Variants in RHBDD1 observed in about 807,000 individuals in gnomAD.
RHBDD1 encodes the protein rhomboid-related protein 4.
A neutral mutation model predicts 36.3 loss-of-function variants in RHBDD1; 38 were observed. That is an observed-to-expected ratio of 1.05 (90% CI 0.81 to 1.37). The LOEUF is 1.37. RHBDD1 is among the 40% of genes most tolerant of loss of function. The pLI, the probability that RHBDD1 is intolerant of heterozygous loss-of-function variation, is 0.00. For missense variants in RHBDD1, 393 were observed against 377.6 expected, an observed-to-expected ratio of 1.04 and a Z score of -0.34; for synonymous variants, 151 against 136.5, an observed-to-expected ratio of 1.11 and a Z score of -0.74.
At chr2:226,978,993 TAA>T (rs1955095590) in intron 8 of RHBDD1, among the ~76,000 whole-genome samples, 1 of 152,138 alleles carries the variant, frequency 6.6e-6, no homozygotes, top group Non-Finnish European at 1.5e-5. Flanking sequence ...TAGGTATGTA[TAA>T]AAAAGAGTTT....
the RHBDD1 span, among the ~76,000 whole-genome samples, chr2:226,812,096 T>C: frequency 6.6e-6 from 1 of 152,184 alleles, no homozygotes; most frequent in South Asian, 2.1e-4. Context: ...TTCATTTGAG[T>C]TTTGTCACTT....
At chr2:226,909,254 A>G (rs909978812) in intron 7 of RHBDD1, among the ~76,000 whole-genome samples, 1 of 152,130 alleles carries the variant, frequency 6.6e-6, no homozygotes, top group Non-Finnish European at 1.5e-5. Flanking sequence ...TCCTGTGTAT[A>G]TTCAGGAACC....
chr2:226,950,193 AG>A (rs556447244), intron 8 of RHBDD1, among the ~76,000 whole-genome samples: 72 of 152,248 alleles, frequency 4.7e-4, no homozygotes, highest in Non-Finnish European at 7.6e-4. Context: ...CCTTTGACCC[AG>A]GGTCTCCCCA....
chr2:226,863,026 A>T (rs923245654), intron 3 of RHBDD1, among the ~76,000 whole-genome samples: 1 of 152,198 alleles, frequency 6.6e-6, no homozygotes, highest in African/African-American at 2.4e-5. Flanking sequence ...ACCTCCCATT[A>T]GGCTCTACTT....
the RHBDD1 span, among the ~76,000 whole-genome samples, chr2:226,814,552 G>T: frequency 2.0e-5 from 3 of 152,232 alleles, no homozygotes; most frequent in East Asian, 5.8e-4. Context: ...AGGCTAGTTA[G>T]GAGTCTGTTT....
the RHBDD1 span, among the ~76,000 whole-genome samples, chr2:226,810,540 C>CAAAAAAAAAAAAAA: frequency 9.2e-4 from 31 of 33,878 alleles, 1 homozygote; most frequent in African/African-American, 3.1e-3. Flanking sequence ...GACTCCGTCT[C>CAAAAAAAAAAAAAA]AAAAAAAAAA....
intron 3 of RHBDD1, among the ~76,000 whole-genome samples, chr2:226,856,355 T>A (rs1943328230): frequency 6.6e-6 from 1 of 152,234 alleles, no homozygotes; most frequent in Admixed American, 6.5e-5. Flanking sequence ...TATACCATTT[T>A]CTTATTTTCA....
rs1425311504 is a variant in RHBDD1, at chr2:226,997,124, T to C, written c.*1602T>C. 6.6e-6 allele frequency: 1 copy of C among 152,204 alleles called. No homozygotes were observed. Among genetic ancestry groups the C allele is most frequent in the Non-Finnish European group, 1.5e-5 (1 of 68,034 alleles). 9.4% of individuals were successfully genotyped at this position (152,204 alleles called of 1,614,324 possible). A position where few individuals can be genotyped will look rare whatever the true frequency, so the allele number is the denominator to read the frequency against. ...ATGAGCTAAGAAAACCACTGGAGCC[T>C]TGGGAGCTCTTTGGCCTCCTGGCTG... On this transcript the variant is annotated 3_prime_UTR_variant, in exon 9 of 9. Transcript: ENST00000392062.
chr2:226,935,824 A>G (rs569330691), intron 8 of RHBDD1, among the ~76,000 whole-genome samples: 100 of 152,256 alleles, frequency 6.6e-4, no homozygotes, highest in African/African-American at 2.2e-3. Flanking sequence ...AAACAGCTAT[A>G]TAAAGCAGAT....
At chr2:226,882,828 G>C (rs1037156852) in intron 5 of RHBDD1, among the ~76,000 whole-genome samples, 1 of 152,144 alleles carries the variant, frequency 6.6e-6, no homozygotes, top group Admixed American at 6.5e-5. Context: ...CTGGAGGCTG[G>C]AAGTCTGAGA....
intron 7 of RHBDD1, among the ~76,000 whole-genome samples, chr2:226,910,037 G>A (rs192619730): frequency 6.6e-6 from 1 of 152,184 alleles, no homozygotes; most frequent in African/African-American, 2.4e-5. Context: ...AAACAAGTGG[G>A]TATAGGTGTG....
intron 3 of RHBDD1, among the ~76,000 whole-genome samples, chr2:226,859,618 G>A (rs758742276): frequency 6.6e-6 from 1 of 152,122 alleles, no homozygotes; most frequent in South Asian, 2.1e-4. Flanking sequence ...TGATCAAAAC[G>A]GAGAAGGTTA....
chr2:226,864,415 C>A (rs1403581169), intron 3 of RHBDD1, among the ~76,000 whole-genome samples, 189 bp from the exon 4 acceptor site: 3 of 152,030 alleles, frequency 2.0e-5, no homozygotes, highest in African/African-American at 7.3e-5. Flanking sequence ...CATTTCTATT[C>A]TAGAATGTAA....
chr2:226,852,255 A>G (rs934465688), intron 3 of RHBDD1, among the ~76,000 whole-genome samples: 2 of 152,126 alleles, frequency 1.3e-5, no homozygotes, highest in Non-Finnish European at 2.9e-5. Context: ...ACTTTCCCAT[A>G]GTTAATTTAA....
At chr2:226,908,937 C>T in intron 7 of RHBDD1, 59 bp downstream of exon 7, 1 of 1,095,010 alleles carries the variant, frequency 9.1e-7, no homozygotes, top group Non-Finnish European at 1.4e-6. Context: ...TAGTGTTCAG[C>T]TCTACAGAGT....
intron 1 of RHBDD1, 53 bp downstream of exon 1, chr2:226,836,140 T>C (rs1940928782): frequency 6.5e-6 from 1 of 153,226 alleles, no homozygotes; most frequent in African/African-American, 2.4e-5. Context: ...GTGAGCGGCA[T>C]CTCTCGCCGT....
At chr2:226,839,091 A>G (rs1054685217) in intron 2 of RHBDD1, among the ~76,000 whole-genome samples, 6 of 152,198 alleles carry the variant, frequency 3.9e-5, no homozygotes, top group African/African-American at 1.2e-4. Flanking sequence ...AAAGTTTTAC[A>G]TTACATTTTT....
intron 5 of RHBDD1, chr2:226,869,103 A>G: frequency 1.2e-6 from 1 of 819,520 alleles, no homozygotes; most frequent in Non-Finnish European, 1.5e-6. Context: ...TTCTTATGCA[A>G]CTATTTCTGA....
intron 5 of RHBDD1, among the ~76,000 whole-genome samples, chr2:226,884,240 A>T (rs1294368908): frequency 6.6e-6 from 1 of 152,070 alleles, no homozygotes; most frequent in African/African-American, 2.4e-5. Flanking sequence ...GTTAAAAGTC[A>T]TGGGAGTTAA....
Sources: gnomAD v4.1 joint callset for allele counts (sites outside exome capture counted in the v4.1 genomes callset) on GRCh38, gnomAD v4.1.1 for gene constraint, MANE v1.5 for transcripts, NCBI Gene and HGNC (gene_info 2026-07-23, HGNC 2026-07-21) for gene names.